Variants in TOX observed in about 807,000 individuals in gnomAD.
The protein encoded by TOX is thymocyte selection associated high mobility group box, also known as thymocyte selection-associated high mobility group box protein TOX.
TOX carries 11 observed loss-of-function variants against 53.7 expected under a neutral mutation model. The ratio of observed to expected loss-of-function variants is 0.20; its 90% CI spans 0.13 to 0.34. The LOEUF (loss-of-function observed/expected upper bound fraction) is 0.34. TOX is among the 10% of genes least tolerant of loss of function. TOX has a pLI of 1.00. For synonymous variants in TOX, 225 were observed against 245.3 expected, an observed-to-expected ratio of 0.92 and a Z score of 0.77; for missense variants, 570 against 664.6, an observed-to-expected ratio of 0.86 and a Z score of 1.56.
rs1354537341 is a variant in TOX at position 58,816,052 on chromosome 8, G to A, written c.1006-328C>T. Among the ~76,000 whole-genome samples the A allele has an allele frequency of 3.9e-5, 6 of 152,222 alleles. No individual in the cohort carries two copies. In the East Asian group the frequency reaches 5.8e-4, roughly 15 times the overall value. The stretch of plus-strand genomic sequence containing the variant: ...TGGGGGACGGGAGAAGGCAGATGCC[G>A]TGAATGCCCAAATGGGAAACACACG... On this transcript the variant is annotated intron_variant, in intron 6 of 8. Transcript: ENST00000361421.
intron 1 of TOX, among the ~76,000 whole-genome samples, chr8:59,106,322 A>G (rs1222716764): frequency 6.6e-6 from 1 of 151,932 alleles, no homozygotes; most frequent in African/African-American, 2.4e-5. Flanking sequence ...GGAAAAAAAA[A>G]GAAAGAAAGA....
At chr8:58,932,868 C>T (rs981640166) in intron 3 of TOX, among the ~76,000 whole-genome samples, 8 of 152,116 alleles carry the variant, frequency 5.3e-5, no homozygotes, top group African/African-American at 1.9e-4. Context: ...TGTACCATGA[C>T]TGAATGCTAA....
At chr8:59,092,325 A>G (rs961680735) in intron 1 of TOX, among the ~76,000 whole-genome samples, 2 of 131,148 alleles carry the variant, frequency 1.5e-5, no homozygotes, top group South Asian at 4.4e-4. Flanking sequence ...ATACATATAT[A>G]TATTATATAT....
intron 3 of TOX, among the ~76,000 whole-genome samples, chr8:58,890,912 G>A (rs535178035): frequency 1.3e-5 from 2 of 152,234 alleles, no homozygotes; most frequent in South Asian, 2.1e-4. Context: ...TGGCAGATGA[G>A]GTGGGGCCAG....
At chr8:58,837,131 G>A (rs1234525356) in intron 5 of TOX, among the ~76,000 whole-genome samples, 1 of 152,056 alleles carries the variant, frequency 6.6e-6, no homozygotes, top group African/African-American at 2.4e-5. Flanking sequence ...ATAAGTGTGG[G>A]CTTTTCTGTA....
At position 58,929,361 on chromosome 8, in the gene TOX, AC is replaced by A. The variant is rs538621067; in HGVS notation, c.411+9940del. On this transcript the variant is annotated intron_variant, in intron 3 of 8. Transcript: ENST00000361421. The stretch of plus-strand genomic sequence containing the variant: ...TCCAGGACTTCATACCTTTTCTCCT[AC>A]ACAGTGTGTATTGCTGCTGGCACAA... Among the ~76,000 whole-genome samples the A allele has an allele frequency of 9.2e-5, 14 of 152,244 alleles. No homozygotes were observed. In the South Asian group the frequency reaches 2.9e-3, roughly 32 times the overall value.
chr8:59,013,927 A>C lies in TOX; in HGVS notation c.103-53919T>G, dbSNP rs1425745965. Among the ~76,000 whole-genome samples, 9 of 152,338 alleles carry C rather than the reference A, an allele frequency of 5.9e-5. No homozygotes were observed. In the East Asian group the frequency reaches 1.7e-3, roughly 29 times the overall value. On this transcript the variant is annotated intron_variant, in intron 1 of 8. Transcript: ENST00000361421. Reference sequence around the variant, plus strand: ...GAATAATCATGTCCCTCTTTTGAGGAGTAAGTATAACATTAAATAAAGCAC... The same window carrying C: ...GAATAATCATGTCCCTCTTTTGAGGCGTAAGTATAACATTAAATAAAGCAC...
At chr8:58,970,620 C>T (rs1015845921) in intron 1 of TOX, among the ~76,000 whole-genome samples, 3 of 152,174 alleles carry the variant, frequency 2.0e-5, no homozygotes, top group African/African-American at 7.2e-5. Flanking sequence ...GCATCTTGTG[C>T]TTATCCCAGC....
intron 1 of TOX, among the ~76,000 whole-genome samples, chr8:59,070,222 T>A (rs1804169496): frequency 6.6e-6 from 1 of 152,134 alleles, no homozygotes; most frequent in Non-Finnish European, 1.5e-5. Context: ...AAAGTTTAAG[T>A]TTAAATGGAA....
At chr8:59,003,466 C>T (rs188259371) in intron 1 of TOX, among the ~76,000 whole-genome samples, 24 of 152,120 alleles carry the variant, frequency 1.6e-4, no homozygotes, top group Admixed American at 1.4e-3. Context: ...AGGAAGAGGG[C>T]GCTACAGTTT....
chr8:58,856,926 TA>T (rs992153819), intron 3 of TOX, among the ~76,000 whole-genome samples: 1 of 152,138 alleles, frequency 6.6e-6, no homozygotes, highest in Non-Finnish European at 1.5e-5. Flanking sequence ...GAAAGGGAAG[TA>T]AATGTCTGTC....
chr8:59,053,804 A>G (rs1442399402), intron 1 of TOX, among the ~76,000 whole-genome samples: 8 of 152,224 alleles, frequency 5.3e-5, no homozygotes, highest in Admixed American at 3.3e-4. Flanking sequence ...AGAATTGTCT[A>G]ATGTTTTAAT....
chr8:59,052,836 T>C (rs986764028), intron 1 of TOX, among the ~76,000 whole-genome samples: 6 of 152,166 alleles, frequency 3.9e-5, no homozygotes, highest in African/African-American at 1.4e-4. Context: ...TGCAAAGTTC[T>C]TAGAAAAAAA....
At chr8:58,885,808 A>G (rs1345170049) in intron 3 of TOX, among the ~76,000 whole-genome samples, 1 of 152,126 alleles carries the variant, frequency 6.6e-6, no homozygotes, top group Non-Finnish European at 1.5e-5. Context: ...TGCAGTGAAG[A>G]CTTATAATAT....
At chr8:58,941,002 T>C (rs1812428277) in intron 2 of TOX, among the ~76,000 whole-genome samples, 2 of 152,176 alleles carry the variant, frequency 1.3e-5, no homozygotes, top group South Asian at 4.1e-4. Flanking sequence ...AGGGAAAAAT[T>C]TGACTGTTAT....
intron 1 of TOX, among the ~76,000 whole-genome samples, chr8:59,091,508 TA>T (rs1419391731): frequency 2.0e-5 from 3 of 151,908 alleles, no homozygotes. Flanking sequence ...TCTTGGACAA[TA>T]TAGACAGACA....
chr8:59,032,336 A>G (rs1197858175), intron 1 of TOX, among the ~76,000 whole-genome samples: 1 of 152,206 alleles, frequency 6.6e-6, no homozygotes, highest in Non-Finnish European at 1.5e-5. Flanking sequence ...ATAATGTCCA[A>G]TGTTACTTAA....
intron 5 of TOX, among the ~76,000 whole-genome samples, chr8:58,836,104 CAG>C (rs1252360772): frequency 6.6e-6 from 1 of 152,160 alleles, no homozygotes; most frequent in Admixed American, 6.5e-5. Flanking sequence ...CAAGAACACA[CAG>C]AGGGCTTACT....
Position 58,838,114 on chromosome 8 carries a change from T to C in TOX, c.891A>G (p.Ser297=). 6.2e-7 allele frequency: 1 copy of C among 1,614,188 alleles called. No individual in the cohort carries two copies. The highest frequency in any genetic ancestry group is 8.5e-7 in the Non-Finnish European group (1 of 1,180,004). ...TFGEVSKIVA[S]MWDGLGEEQK... is the part of the protein sequence containing the mutation. Reference sequence around the variant, plus strand: ...GCTCTTCTCCTAAACCGTCCCACATTGAAGCCACAATTTTAGAGACTTCGC... The same window carrying C: ...GCTCTTCTCCTAAACCGTCCCACATCGAAGCCACAATTTTAGAGACTTCGC... The change falls in exon 5 of 9, where the codon TCA becomes TCG. Residue 297 remains serine, a synonymous_variant. Coordinates refer to ENST00000361421, the MANE Select transcript of TOX (RefSeq NM_014729.3).
Sources: allele counts gnomAD v4.1 joint callset (sites outside exome capture counted in the v4.1 genomes callset), GRCh38; gene constraint gnomAD v4.1.1; transcripts MANE v1.5; gene names NCBI Gene and HGNC (gene_info 2026-07-23, HGNC 2026-07-21).